Variants in CFAP91 observed in about 807,000 individuals in gnomAD.
The protein encoded by CFAP91 is cilia and flagella associated protein 91.
In CFAP91, 85 loss-of-function variants were observed where a neutral mutation model predicts 95.9. That is an observed-to-expected ratio of 0.89 (90% CI 0.74 to 1.06). The LOEUF (loss-of-function observed/expected upper bound fraction) is 1.06, where lower values mean the gene tolerates loss of function less well. Among genes scored for constraint, CFAP91 ranks in the 50% least tolerant of loss-of-function variants. CFAP91 has a pLI of 0.00. For synonymous variants in CFAP91, 335 were observed against 327.5 expected (o/e 1.02, Z -0.25); for missense variants, 962 against 943.4 (o/e 1.02, Z -0.26).
At chr3:119,723,804 A>C (rs908721535) in intron 6 of CFAP91, among the ~76,000 whole-genome samples, 2 of 152,190 alleles carry the variant, frequency 1.3e-5, no homozygotes, top group Non-Finnish European at 2.9e-5. Context: ...AGGCGTAATT[A>C]TGTTTATGTG....
In CFAP91 at chr3:119,765,925, G is replaced by A. The variant is rs1305727225; in HGVS notation, c.*875G>A. The stretch of plus-strand genomic sequence containing the variant: ...AAAATTGCAGAAACATTTGCTGAGT[G>A]TTTTTAATAGGAGTCAAAAAGAAAG... On this transcript the variant is annotated 3_prime_UTR_variant, in exon 18 of 18. Transcript: ENST00000273390. 6.6e-6 allele frequency: 1 copy of A among 152,178 alleles called. No homozygotes were observed. The highest frequency in any genetic ancestry group is 1.5e-5 in the Non-Finnish European group (1 of 68,032). The allele number at this position is 152,178 out of a possible 1,614,324, so 9.4% of individuals were successfully genotyped here. A position where few individuals can be genotyped will look rare whatever the true frequency, so the allele number is the denominator to read the frequency against.
At chr3:119,764,261 C>T (rs1439943790) in intron 17 of CFAP91, among the ~76,000 whole-genome samples, 1 of 152,084 alleles carries the variant, frequency 6.6e-6, no homozygotes, top group Non-Finnish European at 1.5e-5. Context: ...CTCTTCAGGA[C>T]ATTCATAAGC....
chr3:119,764,065 C>A (rs1291305714), intron 17 of CFAP91, among the ~76,000 whole-genome samples: 1 of 152,064 alleles, frequency 6.6e-6, no homozygotes. Flanking sequence ...GCACGTATTT[C>A]AAACCATCAT....
intron 17 of CFAP91, 91 bp downstream of exon 17, chr3:119,751,189 T>C: frequency 1.5e-6 from 2 of 1,369,030 alleles, no homozygotes; most frequent in South Asian, 3.1e-5. Flanking sequence ...AATCATAATG[T>C]GAAGATTGCT....
intron 5 of CFAP91, among the ~76,000 whole-genome samples, chr3:119,713,977 T>G (rs1339253655): frequency 1.3e-5 from 2 of 152,236 alleles, no homozygotes; most frequent in Non-Finnish European, 2.9e-5. Context: ...TTCTAATTTT[T>G]CACTCTTAGA....
intron 1 of CFAP91, among the ~76,000 whole-genome samples, chr3:119,705,373 A>AT (rs888311939): frequency 3.9e-5 from 6 of 152,106 alleles, no homozygotes; most frequent in African/African-American, 1.4e-4. Context: ...GCCCTATGTG[A>AT]TTAGTTCCCT....
At chr3:119,759,562 T>A (rs772521619) in intron 17 of CFAP91, among the ~76,000 whole-genome samples, 2 of 151,970 alleles carry the variant, frequency 1.3e-5, no homozygotes, top group Non-Finnish European at 2.9e-5. Flanking sequence ...TAAAACTCAT[T>A]GGTAAAAGTA....
At chr3:119,738,330 G>GTTTTTTTTTTTTTTTTTT (rs1559761130) in intron 11 of CFAP91, among the ~76,000 whole-genome samples, 5 of 23,704 alleles carry the variant, frequency 2.1e-4, no homozygotes, top group Admixed American at 1.3e-3. Context: ...TTGACATATT[G>GTTTTTTTTTTTTTTTTTT]TCTTTTTTTT....
Position 119,707,438 on chromosome 3 carries a change from A to G in CFAP91, c.236A>G (p.Asn79Ser), listed in dbSNP as rs2107852502. Residue 79 changes from asparagine (N) to serine (S), a missense_variant, in exon 3 of 18, where the codon AAC (asparagine) becomes AGC (serine). Coordinates refer to ENST00000273390, the MANE Select transcript of CFAP91 (RefSeq NM_033364.4). ...CCCAGGTTTAAAACCATGTTCAGTA[A>G]CCTGATCCATTATCCAAGATATTCT... is the stretch of plus-strand genomic sequence containing the variant. ...KVPRFKTMFS[N>S]LIHYPRYSLY... 3 of 1,585,334 alleles carry G rather than the reference A, an allele frequency of 1.9e-6. No homozygotes were observed. Among genetic ancestry groups the G allele is most frequent in the Non-Finnish European group, 2.6e-6 (3 of 1,160,806 alleles).
intron 17 of CFAP91, among the ~76,000 whole-genome samples, chr3:119,757,870 C>T (rs72965021): frequency 0.013 from 1,930 of 152,102 alleles, 40 homozygotes; most frequent in African/African-American, 0.044. Flanking sequence ...CCAAATTTTC[C>T]CATATAATGT....
At chr3:119,728,833 C>T (rs1389975863) in intron 7 of CFAP91, among the ~76,000 whole-genome samples, 1 of 152,166 alleles carries the variant, frequency 6.6e-6, no homozygotes, top group Non-Finnish European at 1.5e-5. Flanking sequence ...CCTCTTTTCC[C>T]CCTGCCCTAT....
Position 119,747,850 on chromosome 3 carries a change from G to A in CFAP91, c.2091G>A (p.Leu697=). 6.2e-7 allele frequency: 1 copy of A among 1,613,518 alleles called. No homozygotes were observed. The highest frequency in any genetic ancestry group is 2.2e-5 in the East Asian group (1 of 44,854). Residue 697 remains leucine (L), a synonymous_variant, in exon 16 of 18, where the codon TTG becomes TTA. Transcript: ENST00000273390. ...YLQSEEIVAE[L]VYSFLIPEVQ... is the part of the protein sequence containing the mutation. ...AGTCAGAGGAGATTGTTGCTGAGTT[G>A]GTTTATAGTTTTCTGATCCCAGAGG...
chr3:119,704,476 TA>T (rs1475190352), intron 1 of CFAP91, among the ~76,000 whole-genome samples: 2 of 152,194 alleles, frequency 1.3e-5, no homozygotes, highest in African/African-American at 4.8e-5. Context: ...TCTTTGACCT[TA>T]TGACCTTTCA....
intron 17 of CFAP91, among the ~76,000 whole-genome samples, chr3:119,753,265 T>C (rs552732647): frequency 1.3e-5 from 2 of 152,192 alleles, no homozygotes; most frequent in East Asian, 3.9e-4. Flanking sequence ...GACAAAAAAC[T>C]TGAGTCAAGG....
chr3:119,710,506 C>T (rs2053453595), intron 5 of CFAP91: 1 of 152,208 alleles, frequency 6.6e-6, no homozygotes, highest in African/African-American at 2.4e-5. Flanking sequence ...CCCTAAAAGC[C>T]TTACCTCTTA....
In CFAP91 at chr3:119,732,272, A is replaced by G. The variant is rs1484845041; in HGVS notation, c.1019-22A>G. 5.7e-6 allele frequency: 9 copies of G among 1,565,360 alleles called. No homozygotes were observed. In the South Asian group the frequency reaches 8.1e-5, roughly 14 times the overall value. ...TCAGAACAATATTTTAGAGATAGTC[A>G]TGGAGGTATGTTTTATTTCAGCAAT... On this transcript the variant is annotated intron_variant, in intron 8 of 17. Coordinates refer to ENST00000273390, the MANE Select transcript of CFAP91 (RefSeq NM_033364.4).
intron 5 of CFAP91, among the ~76,000 whole-genome samples, chr3:119,712,301 C>T (rs936315039): frequency 1.3e-5 from 2 of 152,218 alleles, no homozygotes; most frequent in African/African-American, 2.4e-5. Context: ...TTCAAAGTAG[C>T]TTTCCTCTTT....
At chr3:119,763,165 A>G (rs192453931) in intron 17 of CFAP91, among the ~76,000 whole-genome samples, 1 of 152,252 alleles carries the variant, frequency 6.6e-6, no homozygotes, top group Non-Finnish European at 1.5e-5. Context: ...AAGGACCTGA[A>G]TAGACATTTC....
In CFAP91 at chr3:119,737,395, T is replaced by C; in HGVS notation, c.1374T>C (p.Leu458=). The change falls in exon 11 of 18, where the codon CTT becomes CTC. Residue 458 remains leucine, a synonymous_variant. Transcript: ENST00000273390. ...KALLDKKNKV[L]EVKKPPRFLQ... is the part of the protein sequence containing the mutation. ...TGTTGGATAAGAAGAATAAAGTTCT[T>C]GAAGTAAAGAAACCCCCTCGCTTCC... The C allele has an allele frequency of 6.2e-7, 1 of 1,606,756 alleles. No individual in the cohort carries two copies. The highest frequency in any genetic ancestry group is 8.5e-7 in the Non-Finnish European group (1 of 1,176,710).
Sources: gnomAD v4.1 joint callset for allele counts (sites outside exome capture counted in the v4.1 genomes callset) on GRCh38, gnomAD v4.1.1 for gene constraint, MANE v1.5 for transcripts, NCBI Gene and HGNC (gene_info 2026-07-23, HGNC 2026-07-21) for gene names.